The following GRB7 variants were observed in gnomAD, a reference collection of about 807,000 sequenced individuals.
The protein encoded by GRB7 is growth factor receptor bound protein 7.
Under a neutral mutation model 64.1 loss-of-function variants are expected in GRB7, and 47 were observed. The observed-to-expected ratio is 0.73, with a 90% CI of 0.58 to 0.94. GRB7 has a LOEUF of 0.94. GRB7 is among the 40% of genes least tolerant of loss of function. The pLI, the probability that GRB7 is intolerant of heterozygous loss-of-function variation, is 0.00. For synonymous variants in GRB7, 277 were observed against 279.9 expected (o/e 0.99, Z 0.10); for missense variants, 634 against 718.4 (o/e 0.88, Z 1.34).
rs2060004884 is a variant in GRB7, at chr17:39,742,581, G to A, written c.171G>A (p.Glu57=). ...IPTTGRKLRE[E]ERRATSLPSI... ...CTTGCCACAGGAAACTTCGAGAGGA[G>A]GAGAGGCGTGCCACCTCCCTCCCCT... Residue 57 remains glutamate, a synonymous_variant, in exon 3 of 15, where the codon GAG becomes GAA. Coordinates refer to ENST00000309156, the MANE Select transcript of GRB7 (RefSeq NM_005310.5). 1 of 1,613,790 alleles carries A rather than the reference G, an allele frequency of 6.2e-7. No individual in the cohort carries two copies. The highest frequency in any genetic ancestry group is 1.3e-5 in the African/African-American group (1 of 74,890).
chr17:39,743,670 T>C (rs2060017097), intron 6 of GRB7, 200 bp downstream of exon 6: 1 of 610,952 alleles, frequency 1.6e-6, no homozygotes, highest in Non-Finnish European at 2.9e-6. Flanking sequence ...TGTGGAGCAT[T>C]TCCTTGTAAA....
rs766835471 is a variant in GRB7 at position 39,745,294 on chromosome 17, C to T, written c.1063C>T (p.His355Tyr). The change falls in exon 10 of 15, where the codon CAT (histidine) becomes TAT (tyrosine). Residue 355 changes from histidine to tyrosine, a missense_variant. By Grantham distance (83) the His-to-Tyr change is moderately conservative. Transcript: ENST00000309156. ...NYQQAQSRHL[H>Y]PSCLGSPPLR... ...CCAGCAGGCACAGTCTCGCCATCTGCATCCATCTTGTTTGGGCTCCCCACC... is the reference window on the plus strand; with the variant it reads ...CCAGCAGGCACAGTCTCGCCATCTGTATCCATCTTGTTTGGGCTCCCCACC... 1.2e-6 allele frequency: 2 copies of T among 1,608,406 alleles called. No individual in the cohort carries two copies. The highest frequency in any genetic ancestry group is 2.2e-5 in the East Asian group (1 of 44,610).
chr17:39,743,610 T>C lies in GRB7; in HGVS notation c.663+140T>C, dbSNP rs2060016670. On this transcript the variant is annotated intron_variant, in intron 6 of 14. Transcript: ENST00000309156. ...TCCTGTGTGACTGGGGACAGTCACTTTCCCTGCCTGAGCATCAGTTTCTTC... is the reference window on the plus strand; with the variant it reads ...TCCTGTGTGACTGGGGACAGTCACTCTCCCTGCCTGAGCATCAGTTTCTTC... 7 of 698,112 alleles carry C rather than the reference T, an allele frequency of 1.0e-5. No homozygotes were observed. In the Admixed American group the frequency reaches 1.2e-4, roughly 11 times the overall value. The allele number at this position is 698,112 out of a possible 1,614,324, so 43.2% of individuals were successfully genotyped here.
Position 39,747,047 on chromosome 17 carries a change from C to T in GRB7, c.*150C>T, listed in dbSNP as rs2060054894. The T allele has an allele frequency of 1.2e-6, 1 of 822,802 alleles. No individual in the cohort carries two copies. Among genetic ancestry groups the T allele is most frequent in the African/African-American group, 1.9e-5 (1 of 52,904 alleles). 51.0% of individuals were successfully genotyped at this position (822,802 alleles called of 1,614,324 possible). On this transcript the variant is annotated 3_prime_UTR_variant, in exon 15 of 15. Coordinates refer to ENST00000309156, the MANE Select transcript of GRB7 (RefSeq NM_005310.5). ...CCAGTTTTCTCCTCTGCTTCTTTGC[C>T]TCCCTCAGATAGAAAACAGCCCCCA...
chr17:39,740,220 T>G, intron 1 of GRB7: 2 of 950,428 alleles, frequency 2.1e-6, no homozygotes, highest in Non-Finnish European at 2.5e-6. Context: ...TGTTCTGGTA[T>G]TGAGGTGCTG....
chr17:39,740,171 G>A (rs2059983199), intron 1 of GRB7: 4 of 985,520 alleles, frequency 4.1e-6, no homozygotes, highest in African/African-American at 1.7e-5. Flanking sequence ...GGAGACCGGG[G>A]CTGTTTGGAG....
chr17:39,740,123 G>T, intron 1 of GRB7: 1 of 985,544 alleles, frequency 1.0e-6, no homozygotes, highest in Non-Finnish European at 1.2e-6. Flanking sequence ...GGCAGGCGTG[G>T]CCCCCTGCAG....
At position 39,742,372 on chromosome 17, in the gene GRB7, C is replaced by G. The variant is rs1490517062; in HGVS notation, c.71C>G (p.Pro24Arg). The change falls in exon 2 of 15, where the codon CCT becomes CGT. Residue 24 changes from proline to arginine, a missense_variant. By Grantham distance (103) the Pro-to-Arg change is moderately radical. Transcript: ENST00000309156. ...GACCTTTGCCCAGCCCCTGGGACCC[C>G]TCCTGGGACTCCCCGGCCCCCTGAT... ...PEDLCPAPGT[P>R]PGTPRPPDTP... 1 of 1,613,986 alleles carries G rather than the reference C, an allele frequency of 6.2e-7. No individual in the cohort carries two copies.
At chr17:39,739,722 A>G (rs9896940) in intron 1 of GRB7, among the ~76,000 whole-genome samples, 6,069 of 152,304 alleles carry the variant, frequency 0.04, 137 homozygotes, top group African/African-American at 0.048. Flanking sequence ...TGGGGCTGGA[A>G]CCACTGGGGG....
At chr17:39,744,781 C>G (rs1597907125) in intron 8 of GRB7, 105 bp from the exon 9 acceptor site, 4 of 1,319,344 alleles carry the variant, frequency 3.0e-6, no homozygotes, top group Admixed American at 3.8e-5. Context: ...CTCCCTGCAC[C>G]CTGGCCTGCT....
Position 39,741,970 on chromosome 17 carries a change from G to A in GRB7, c.-50-282G>A, listed in dbSNP as rs530961450. Among the ~76,000 whole-genome samples, 197 of 69,238 alleles carry A rather than the reference G, an allele frequency of 2.8e-3. 3 individuals are homozygous for A. Among genetic ancestry groups the A allele is most frequent in the African/African-American group, 0.011 (176 of 16,186 alleles). The allele number at this position is 69,238 out of a possible 152,430, so 45.4% of individuals were successfully genotyped here. On this transcript the variant is annotated intron_variant, in intron 1 of 14. Coordinates refer to ENST00000309156, the MANE Select transcript of GRB7 (RefSeq NM_005310.5). ...GGTTGCAGTGAGTGGAGATGACGCC[G>A]CTGCAAAAAAAAAAAAAAAAAAGGA...
chr17:39,738,053 A>G lies in GRB7; in HGVS notation c.-131A>G, dbSNP rs1448905182. On this transcript the variant is annotated 5_prime_UTR_variant, in exon 1 of 15. The change creates a new upstream start codon in the 5' untranslated region. Transcript: ENST00000309156. ...AGAGAAGCGGGAGTGGATCTGAAAT[A>G]AAATCCAGGAATCTGGGGGTTCCTA... 1.3e-5 allele frequency: 2 copies of G among 152,346 alleles called. No individual in the cohort carries two copies. Among genetic ancestry groups the G allele is most frequent in the Admixed American group, 1.3e-4 (2 of 15,278 alleles). The allele number at this position is 152,346 out of a possible 1,614,324, so 9.4% of individuals were successfully genotyped here. A position where few individuals can be genotyped will look rare whatever the true frequency, so the allele number is the denominator to read the frequency against.
Position 39,742,897 on chromosome 17 carries a change from G to T in GRB7, c.307-1G>T. ...AGTCGTGTGCAATTCCTGGGGCGCA[G>T]GTAGTAAAGGTGTACAGTGAGGATG... On this transcript the variant is annotated splice_acceptor_variant, in intron 3 of 14. Transcript: ENST00000309156. LOFTEE classifies it high-confidence loss of function. The T allele has an allele frequency of 6.3e-7, 1 of 1,576,602 alleles. No homozygotes were observed. The highest frequency in any genetic ancestry group is 8.6e-7 in the Non-Finnish European group (1 of 1,158,808).
In GRB7 at chr17:39,742,663, G is replaced by T; in HGVS notation, c.253G>T (p.Gly85Trp). 6.2e-7 allele frequency: 1 copy of T among 1,604,568 alleles called. No homozygotes were observed. The highest frequency in any genetic ancestry group is 8.5e-7 in the Non-Finnish European group (1 of 1,174,914). The change falls in exon 3 of 15, where the codon GGG (glycine) becomes TGG (tryptophan). Residue 85 changes from glycine (G) to tryptophan (W), a missense_variant. Physicochemically the swap from Gly to Trp is radical, Grantham distance 184. This residue lies in a region of GRB7 where 167 missense variants were observed against 141.9 expected (regional missense o/e 1.18). Transcript: ENST00000309156. ...TCCTCCCTCACAGAGCCCAATTCTC[G>T]GGGGCCCCTCCAGTGCAAGGGGGCT... is the stretch of plus-strand genomic sequence containing the variant. ...CSPPSQSPIL[G>W]GPSSARGLLP...
intron 1 of GRB7, chr17:39,738,870 T>C (rs1402076339): frequency 6.5e-7 from 1 of 1,534,006 alleles, no homozygotes; most frequent in South Asian, 1.2e-5. Context: ...CTCCAGATTG[T>C]ATGCCCTTCT....
In GRB7 at chr17:39,747,091, C is replaced by A; in HGVS notation, c.*194C>A. ...GCCCCCACTCCAGTCCACTCCTGAC[C>A]CCTCTCCTCAAGGGAAGGCCTTGGG... On this transcript the variant is annotated 3_prime_UTR_variant, in exon 15 of 15. Transcript: ENST00000309156. 1 of 609,444 alleles carries A rather than the reference C, an allele frequency of 1.6e-6. No individual in the cohort carries two copies. Among genetic ancestry groups the A allele is most frequent in the South Asian group, 2.1e-5 (1 of 47,044 alleles). The allele number at this position is 609,444 out of a possible 1,614,324, so 37.8% of individuals were successfully genotyped here.
chr17:39,743,987 A>G, intron 6 of GRB7, 83 bp from the exon 7 acceptor site: 1 of 1,555,988 alleles, frequency 6.4e-7, no homozygotes, highest in East Asian at 2.3e-5. Context: ...TCAAAAAGAA[A>G]AAGAAAAAGA....
chr17:39,744,503 T>C (rs199688095), intron 7 of GRB7, 50 bp from the exon 8 acceptor site: 69 of 1,445,824 alleles, frequency 4.8e-5, no homozygotes, highest in Admixed American at 1.6e-4. Context: ...GGGGAGGTAA[T>C]AGTGGGCGGG....
At position 39,745,721 on chromosome 17, in the gene GRB7, T is replaced by G; in HGVS notation, c.1210-7T>G. On this transcript the variant is annotated splice_polypyrimidine_tract_variant and splice_region_variant and intron_variant, in intron 11 of 14. Transcript: ENST00000309156. ...CCGACTCTCCCGTATCTCCCACTGC[T>G]CCACAGAAGAAGACAAACCACCGCC... The G allele has an allele frequency of 6.2e-7, 1 of 1,613,226 alleles. No homozygotes were observed. Among genetic ancestry groups the G allele is most frequent in the Non-Finnish European group, 8.5e-7 (1 of 1,179,940 alleles).
Sources: allele counts gnomAD v4.1 joint callset (sites outside exome capture counted in the v4.1 genomes callset), GRCh38; gene constraint gnomAD v4.1.1; regional missense constraint gnomAD v4.1.1; transcripts MANE v1.5; gene names NCBI Gene and HGNC (gene_info 2026-07-23, HGNC 2026-07-21).